Variants in KCNQ1 observed in about 807,000 individuals in gnomAD.
The protein encoded by KCNQ1 is potassium voltage-gated channel subfamily Q member 1.
KCNQ1 carries 49 observed loss-of-function variants against 72.4 expected under a neutral mutation model. That is an observed-to-expected ratio of 0.68 (90% CI 0.54 to 0.86). The LOEUF is 0.86. KCNQ1 is among the 40% of genes least tolerant of loss of function. The pLI is 0.00. For missense variants in KCNQ1, 790 were observed against 945.1 expected (o/e 0.84, Z 2.15); for synonymous variants, 450 against 412.6 (o/e 1.09, Z -1.10).
chr11:2,523,490 G>A (rs548294714), intron 1 of KCNQ1, among the ~76,000 whole-genome samples: 4 of 152,308 alleles, frequency 2.6e-5, no homozygotes, highest in South Asian at 2.1e-4. Context: ...GTGAGCCGCC[G>A]CGCCCGGCCC....
chr11:2,673,475 C>T lies in KCNQ1; in HGVS notation c.1514+11394C>T. On this transcript the variant is annotated intron_variant, in intron 11 of 15. Transcript: ENST00000155840. This position sits in a 1 kb window ranked among gnomAD's most constrained non-coding sequence, Gnocchi z 4.5. Reference sequence around the variant, plus strand: ...CCTTGAGCCGGAACACCTGAAAAGCCATACAGACTCCTGCTCATCACAACC... The same window carrying T: ...CCTTGAGCCGGAACACCTGAAAAGCTATACAGACTCCTGCTCATCACAACC... The T allele has an allele frequency of 2.5e-6, 1 of 398,646 alleles. No individual in the cohort carries two copies. Among genetic ancestry groups the T allele is most frequent in the Non-Finnish European group, 4.4e-6 (1 of 226,090 alleles). 24.7% of individuals were successfully genotyped at this position (398,646 alleles called of 1,614,324 possible).
rs1162925686 is a variant in KCNQ1, at chr11:2,515,448, C to T, written c.387-12480C>T. ...GGGGAGGCCTGTCCACCCCTCCCAC[C>T]CGTCCCCGAGGCCCCTGCTGCCCAG... On this transcript the variant is annotated intron_variant, in intron 1 of 15. Transcript: ENST00000155840. The surrounding 1 kb of genome is among the most constrained non-coding windows in gnomAD (Gnocchi z 4.7). Among the ~76,000 whole-genome samples the T allele has an allele frequency of 6.8e-6, 1 of 147,590 alleles. No individual in the cohort carries two copies. The highest frequency in any genetic ancestry group is 1.5e-5 in the Non-Finnish European group (1 of 66,068).
rs1016755769 is a variant in KCNQ1 at position 2,538,870 on chromosome 11, T to C, written c.477+10852T>C. On this transcript the variant is annotated intron_variant, in intron 2 of 15. Transcript: ENST00000155840. The surrounding 1 kb of genome is among the most constrained non-coding windows in gnomAD (Gnocchi z 6.7). The stretch of plus-strand genomic sequence containing the variant: ...GGAGGTAGAGGAAACTGCAAGATTT[T>C]TTAAACCTTCTCCAAAAACACGTAA... Among the ~76,000 whole-genome samples, 2 of 151,922 alleles carry C rather than the reference T, an allele frequency of 1.3e-5. No homozygotes were observed. Among genetic ancestry groups the C allele is most frequent in the African/African-American group, 4.8e-5 (2 of 41,340 alleles).
chr11:2,448,525 A>G (rs1034718340), intron 1 of KCNQ1, among the ~76,000 whole-genome samples: 1 of 152,168 alleles, frequency 6.6e-6, no homozygotes, highest in Non-Finnish European at 1.5e-5. Flanking sequence ...GTGCCCTCCT[A>G]TCTCCAGGCT....
chr11:2,635,388 CT>C (rs1321187799), intron 10 of KCNQ1: 2 of 152,136 alleles, frequency 1.3e-5, no homozygotes, highest in South Asian at 4.1e-4. Flanking sequence ...CCAGTTTCAG[CT>C]TTCTACATAT....
intron 10 of KCNQ1, chr11:2,618,168 C>A (rs1026849195): frequency 1.0e-5 from 4 of 398,264 alleles, no homozygotes; most frequent in Non-Finnish European, 1.3e-5. Flanking sequence ...ATGTTTAGGT[C>A]TTTTATCCAT....
rs1848263327 is a variant in KCNQ1, at chr11:2,567,423, T to C, written c.478-3205T>C. Among the ~76,000 whole-genome samples the C allele has an allele frequency of 6.6e-6, 1 of 152,080 alleles. No individual in the cohort carries two copies. The highest frequency in any genetic ancestry group is 1.5e-5 in the Non-Finnish European group (1 of 67,994). On this transcript the variant is annotated intron_variant, in intron 2 of 15. Transcript: ENST00000155840. The surrounding 1 kb of genome is among the most constrained non-coding windows in gnomAD (Gnocchi z 6.6). ...CGTGAATCAGGGGTGGGCCATGGCA[T>C]GGCGTGGGGGACCAGCCCTCCTCCC... is the stretch of plus-strand genomic sequence containing the variant.
Position 2,690,199 on chromosome 11 carries a change from C to T in KCNQ1, c.1514+28118C>T, listed in dbSNP as rs1474609439. 1 of 398,666 alleles carries T rather than the reference C, an allele frequency of 2.5e-6. No individual in the cohort carries two copies. Among genetic ancestry groups the T allele is most frequent in the Admixed American group, 4.4e-5 (1 of 22,728 alleles). The allele number at this position is 398,666 out of a possible 1,614,324, so 24.7% of individuals were successfully genotyped here. On this transcript the variant is annotated intron_variant, in intron 11 of 15. Coordinates refer to ENST00000155840, the MANE Select transcript of KCNQ1 (RefSeq NM_000218.3). This position sits in a 1 kb window ranked among gnomAD's most constrained non-coding sequence, Gnocchi z 5.1. ...TGGTCTCTCCAGAGACTGGGCTAAA[C>T]TCTGCTGTGTCAAGTGCCTGGTGAC... is the stretch of plus-strand genomic sequence containing the variant.
At chr11:2,576,333 T>C (rs1490201596) in intron 6 of KCNQ1, among the ~76,000 whole-genome samples, 1 of 152,184 alleles carries the variant, frequency 6.6e-6, no homozygotes, top group East Asian at 1.9e-4. Flanking sequence ...GTGAGAACTC[T>C]CGAATCCCCT....
At chr11:2,689,697 G>T (rs1433605203) in intron 11 of KCNQ1, 1 of 398,546 alleles carries the variant, frequency 2.5e-6, no homozygotes, top group Non-Finnish European at 4.4e-6. Flanking sequence ...TGCAGGGGCA[G>T]CTGTCCTTTG....
intron 11 of KCNQ1, among the ~76,000 whole-genome samples, chr11:2,733,065 C>T (rs1328389942): frequency 2.6e-5 from 4 of 152,160 alleles, no homozygotes; most frequent in Non-Finnish European, 4.4e-5. Context: ...CAGCCCCTTA[C>T]CTTCTGGAGC....
At position 2,703,599 on chromosome 11, in the gene KCNQ1, G is replaced by A. The variant is rs1850857515; in HGVS notation, c.1514+41518G>A. Reference sequence around the variant, plus strand: ...GAGTGGGGGTGGGGGATTAGGGGAGGAAGTTGCTGAGCTAATTCTTTTGCA... The same window carrying A: ...GAGTGGGGGTGGGGGATTAGGGGAGAAAGTTGCTGAGCTAATTCTTTTGCA... On this transcript the variant is annotated intron_variant, in intron 11 of 15. Transcript: ENST00000155840. This position sits in a 1 kb window ranked among gnomAD's most constrained non-coding sequence, Gnocchi z 6.4. Among the ~76,000 whole-genome samples the A allele has an allele frequency of 1.3e-5, 2 of 152,160 alleles. No homozygotes were observed. The highest frequency in any genetic ancestry group is 2.4e-5 in the African/African-American group (1 of 41,412).
In KCNQ1 at chr11:2,654,756, G is replaced by A. The variant is rs1295308009; in HGVS notation, c.1394-7205G>A. The A allele has an allele frequency of 1.0e-5, 4 of 398,600 alleles. No individual in the cohort carries two copies. Among genetic ancestry groups the A allele is most frequent in the African/African-American group, 4.1e-5 (2 of 48,588 alleles). 24.7% of individuals were successfully genotyped at this position (398,600 alleles called of 1,614,324 possible). On this transcript the variant is annotated intron_variant, in intron 10 of 15. Coordinates refer to ENST00000155840, the MANE Select transcript of KCNQ1 (RefSeq NM_000218.3). The surrounding 1 kb of genome is among the most constrained non-coding windows in gnomAD (Gnocchi z 6.4). ...GGCAGGGAGGGGTCTGGGGCTCGAT[G>A]AGAAGGCAGAGGAAGTGAGACCAGA...
chr11:2,617,668 C>T lies in KCNQ1; in HGVS notation c.1393+28814C>T. On this transcript the variant is annotated intron_variant, in intron 10 of 15. Transcript: ENST00000155840. The surrounding 1 kb of genome is among the most constrained non-coding windows in gnomAD (Gnocchi z 4.6). Reference sequence around the variant, plus strand: ...TTTTCATTATGACTGCACCAATCTACAGTCCCACCAACACTGTACAAGAGT... The same window carrying T: ...TTTTCATTATGACTGCACCAATCTATAGTCCCACCAACACTGTACAAGAGT... 2.5e-6 allele frequency: 1 copy of T among 398,478 alleles called. No homozygotes were observed. The highest frequency in any genetic ancestry group is 3.6e-5 in the East Asian group (1 of 28,054). 24.7% of individuals were successfully genotyped at this position (398,478 alleles called of 1,614,324 possible).
At chr11:2,684,190 GTCAGAC>G (rs1376424974) in intron 11 of KCNQ1, 1 of 398,514 alleles carries the variant, frequency 2.5e-6, no homozygotes, top group Non-Finnish European at 4.4e-6. Flanking sequence ...CTGGGGCTTG[GTCAGAC>G]TCTGCCAGGA....
At chr11:2,554,281 T>A (rs1235935862) in intron 2 of KCNQ1, among the ~76,000 whole-genome samples, 1 of 152,226 alleles carries the variant, frequency 6.6e-6, no homozygotes, top group Non-Finnish European at 1.5e-5. Context: ...GGCCTGGAGT[T>A]TTCTTTGTGG....
chr11:2,754,243 T>C (rs992535015), intron 11 of KCNQ1, among the ~76,000 whole-genome samples: 12 of 152,202 alleles, frequency 7.9e-5, no homozygotes, highest in African/African-American at 2.9e-4. Context: ...TGGAGGGGTG[T>C]GCCCATTGCA....
intron 11 of KCNQ1, chr11:2,692,339 C>G (rs931396057): frequency 5.0e-6 from 2 of 398,850 alleles, no homozygotes; most frequent in Admixed American, 8.8e-5. Flanking sequence ...GCCACCATTT[C>G]TCTGTACTGC....
rs757699919 is a variant in KCNQ1 at position 2,593,150 on chromosome 11, G to A, written c.1393+4296G>A. Among the ~76,000 whole-genome samples, 28 of 152,288 alleles carry A rather than the reference G, an allele frequency of 1.8e-4. No individual in the cohort carries two copies. Among genetic ancestry groups the A allele is most frequent in the Non-Finnish European group, 3.4e-4 (23 of 68,026 alleles). ...CATGCCTAACCCATGGTGGGTACAC[G>A]ATAAAAATGCAGGGCTGTGCCACCA... On this transcript the variant is annotated intron_variant, in intron 10 of 15. Coordinates refer to ENST00000155840, the MANE Select transcript of KCNQ1 (RefSeq NM_000218.3). The surrounding 1 kb of genome is among the most constrained non-coding windows in gnomAD (Gnocchi z 6.9).
Sources: allele counts gnomAD v4.1 joint callset (sites outside exome capture counted in the v4.1 genomes callset), GRCh38; gene constraint gnomAD v4.1.1; non-coding constraint Gnocchi (gnomAD v3.1); transcripts MANE v1.5; gene names NCBI Gene and HGNC (gene_info 2026-07-23, HGNC 2026-07-21).